Variants in FRMD4B observed in about 807,000 individuals in gnomAD.
FRMD4B encodes the protein FERM domain-containing protein 4B.
In FRMD4B, 74 loss-of-function variants were observed where a neutral mutation model predicts 141.5. The observed-to-expected ratio is 0.52, with a 90% confidence interval of 0.43 to 0.63. FRMD4B has a LOEUF of 0.63. FRMD4B is among the 30% of genes least tolerant of loss of function. FRMD4B has a pLI of 0.00. For synonymous variants in FRMD4B, 506 were observed against 467.9 expected (o/e 1.08, Z -1.05); for missense variants, 1,366 against 1,253.4 (o/e 1.09, Z -1.36).
intron 7 of FRMD4B, among the ~76,000 whole-genome samples, chr3:69,236,489 A>T (rs2093346505): frequency 6.6e-6 from 1 of 152,156 alleles, no homozygotes; most frequent in African/African-American, 2.4e-5. Flanking sequence ...TTGGCCTCCC[A>T]AAGTGCTGGG....
intron 2 of FRMD4B, among the ~76,000 whole-genome samples, chr3:69,419,019 A>G (rs1704924050): frequency 6.6e-6 from 1 of 152,212 alleles, no homozygotes; most frequent in Non-Finnish European, 1.5e-5. Context: ...AAGAGAATCA[A>G]CTGCACCAAA....
At chr3:69,536,113 C>G in intron 1 of FRMD4B, 2 of 479,132 alleles carry the variant, frequency 4.2e-6, no homozygotes, top group Middle Eastern at 6.5e-4. Flanking sequence ...GCTTGCCGGC[C>G]TTCTCTGTGG....
chr3:69,436,006 A>C (rs1311313876), intron 1 of FRMD4B, among the ~76,000 whole-genome samples: 1 of 152,206 alleles, frequency 6.6e-6, no homozygotes, highest in Non-Finnish European at 1.5e-5. Context: ...CACTCTCAGC[A>C]TAAGAGACTT....
intron 1 of FRMD4B, among the ~76,000 whole-genome samples, chr3:69,511,117 A>G (rs1234653427): frequency 3.9e-5 from 6 of 152,200 alleles, no homozygotes; most frequent in African/African-American, 1.4e-4. Flanking sequence ...CGCCCTGATC[A>G]ACTGCCATAA....
At chr3:69,236,573 C>T (rs1168214250) in intron 7 of FRMD4B, among the ~76,000 whole-genome samples, 1 of 152,120 alleles carries the variant, frequency 6.6e-6, no homozygotes, top group Non-Finnish European at 1.5e-5. Context: ...GCTGCAAAAC[C>T]AGACTCCAGT....
intron 1 of FRMD4B, among the ~76,000 whole-genome samples, chr3:69,437,193 C>T (rs1254956716): frequency 6.6e-6 from 1 of 152,042 alleles, no homozygotes; most frequent in Non-Finnish European, 1.5e-5. Context: ...CCACCTCAGC[C>T]TCCTGAGTAG....
At chr3:69,384,986 T>C (rs1248164298) in intron 1 of FRMD4B, among the ~76,000 whole-genome samples, 1 of 152,054 alleles carries the variant, frequency 6.6e-6, no homozygotes, top group African/African-American at 2.4e-5. Flanking sequence ...CCAAGTATAT[T>C]TCTAAACAAT....
At chr3:69,308,802 T>C (rs1446576616) in intron 3 of FRMD4B, among the ~76,000 whole-genome samples, 1 of 152,080 alleles carries the variant, frequency 6.6e-6, no homozygotes, top group Non-Finnish European at 1.5e-5. Flanking sequence ...TCAGGACTTT[T>C]GCACTGGTTT....
intron 1 of FRMD4B, among the ~76,000 whole-genome samples, chr3:69,353,078 C>T (rs189288781): frequency 1.2e-4 from 16 of 133,014 alleles, no homozygotes; most frequent in Admixed American, 1.0e-3. Context: ...AAAGAAACTC[C>T]AGTATTTAAA....
Position 69,385,835 on chromosome 3 carries a change from A to C in FRMD4B, c.155T>G (p.Val52Gly), listed in dbSNP as rs757542776. The change falls in exon 1 of 23, where the codon GTG (valine) becomes GGG (glycine). Residue 52 changes from valine (V) to glycine (G), a missense_variant. Transcript: ENST00000398540. ...VLRTWCGLQD[V>G]YQMTEGRHCQ... ...CCGCGCGCTCCAGCTCACCTGGTACACGTCCTGCAGCCCGCACCACGTCCG... is the reference window on the plus strand; with the variant it reads ...CCGCGCGCTCCAGCTCACCTGGTACCCGTCCTGCAGCCCGCACCACGTCCG... The C allele has an allele frequency of 6.3e-7, 1 of 1,578,218 alleles. No homozygotes were observed. The highest frequency in any genetic ancestry group is 1.2e-5 in the South Asian group (1 of 85,082).
chr3:69,535,079 G>A (rs570735993), intron 1 of FRMD4B, among the ~76,000 whole-genome samples: 1 of 152,236 alleles, frequency 6.6e-6, no homozygotes, highest in South Asian at 2.1e-4. Context: ...TGATGAGGTA[G>A]GAATTCTTAT....
intron 1 of FRMD4B, among the ~76,000 whole-genome samples, chr3:69,506,536 C>CT (rs1186898512): frequency 2.9e-4 from 43 of 146,474 alleles, no homozygotes; most frequent in Admixed American, 4.1e-4. Context: ...CTGCTAAATT[C>CT]TTTTTTTTTT....
intron 5 of FRMD4B, among the ~76,000 whole-genome samples, chr3:69,267,624 TATATATATATATAGAGAG>T (rs2093571720): frequency 5.4e-4 from 10 of 18,448 alleles, no homozygotes; most frequent in African/African-American, 1.6e-3. Context: ...TATATATATA[TATATATATATATAGAGAG>T]AGAGAGAGAG....
At chr3:69,407,220 A>C (rs761448816) in intron 2 of FRMD4B, among the ~76,000 whole-genome samples, 8 of 152,196 alleles carry the variant, frequency 5.3e-5, no homozygotes, top group Non-Finnish European at 7.3e-5. Flanking sequence ...CTTTTACTGA[A>C]TGTAAATTCA....
At chr3:69,304,483 CA>C (rs1313360753) in intron 3 of FRMD4B, among the ~76,000 whole-genome samples, 2,159 of 67,592 alleles carry the variant, frequency 0.032, 44 homozygotes, top group African/African-American at 0.097. Flanking sequence ...GATTCTATCT[CA>C]AAAAAAAAAA....
Position 69,273,920 on chromosome 3 carries a change from GAA to G in FRMD4B, c.501+13830_501+13831del, listed in dbSNP as rs545199910. On this transcript the variant is annotated intron_variant, in intron 5 of 22. Coordinates refer to ENST00000398540, the MANE Select transcript of FRMD4B (RefSeq NM_015123.3). ...GTAGGAAATGGTGGTGGTAGACAAGGAAAAAAAAAAAAAAGAATTTCTTAAGG... is the reference window on the plus strand; with the variant it reads ...GTAGGAAATGGTGGTGGTAGACAAGGAAAAAAAAAAAAGAATTTCTTAAGG... Among the ~76,000 whole-genome samples, 7 of 136,676 alleles carry G rather than the reference GAA, an allele frequency of 5.1e-5. No individual in the cohort carries two copies. In the South Asian group the frequency reaches 7.1e-4, roughly 14 times the overall value. 89.7% of individuals were successfully genotyped at this position (136,676 alleles called of 152,430 possible).
chr3:69,186,447 C>T (rs1453713866), intron 19 of FRMD4B, among the ~76,000 whole-genome samples: 1 of 152,076 alleles, frequency 6.6e-6, no homozygotes, highest in Non-Finnish European at 1.5e-5. Context: ...CACACTGGCT[C>T]ATGCCTGTAA....
At chr3:69,342,963 T>A (rs1702787356) in intron 1 of FRMD4B, among the ~76,000 whole-genome samples, 1 of 152,100 alleles carries the variant, frequency 6.6e-6, no homozygotes, top group African/African-American at 2.4e-5. Flanking sequence ...AATATTTTAT[T>A]TTTAGAGACA....
chr3:69,524,037 G>A lies in FRMD4B; in HGVS notation c.-129+18169C>T, dbSNP rs199958043. Among the ~76,000 whole-genome samples, 5 of 152,326 alleles carry A rather than the reference G, an allele frequency of 3.3e-5. No individual in the cohort carries two copies. In the East Asian group the frequency reaches 9.6e-4, roughly 29 times the overall value. ...AAATGCTCACCACCATGGTAGGTAT[G>A]TATAGGAAGGAACATATGCTCATTT... On this transcript the variant is annotated intron_variant, in intron 1 of 5. Transcript: ENST00000459638.
Sources: gnomAD v4.1 joint callset for allele counts (sites outside exome capture counted in the v4.1 genomes callset) on GRCh38, gnomAD v4.1.1 for gene constraint, MANE v1.5 for transcripts, NCBI Gene and HGNC (gene_info 2026-07-23, HGNC 2026-07-21) for gene names.